PPFIBP1: variants seen among roughly 807,000 people sequenced by gnomAD.
The protein encoded by PPFIBP1 is liprin-beta-1.
PPFIBP1 carries 112 observed loss-of-function variants against 137.8 expected under a neutral mutation model. That is an observed-to-expected ratio of 0.81 (90% CI 0.70 to 0.95). The LOEUF is 0.95. PPFIBP1 is among the 40% of genes least tolerant of loss of function. The pLI is 0.00. For missense variants in PPFIBP1, 1,083 were observed against 1,196.6 expected (o/e 0.91, Z 1.40); for synonymous variants, 378 against 417.3 (o/e 0.91, Z 1.15).
At chr12:27,668,432 C>G (rs1249049780) in intron 13 of PPFIBP1, among the ~76,000 whole-genome samples, 1 of 152,180 alleles carries the variant, frequency 6.6e-6, no homozygotes, top group African/African-American at 2.4e-5. Flanking sequence ...CAGTCCATAG[C>G]AATTCCAAAA....
intron 2 of PPFIBP1, chr12:27,592,829 A>C: frequency 1.6e-6 from 1 of 611,548 alleles, no homozygotes. Flanking sequence ...TATGGAACTC[A>C]CATCCTTTTA....
chr12:27,682,466 A>G lies in PPFIBP1; in HGVS notation c.2126A>G (p.Asn709Ser), dbSNP rs770870921. 4.0e-5 allele frequency: 65 copies of G among 1,614,068 alleles called. No individual in the cohort carries two copies. The highest frequency in any genetic ancestry group is 5.3e-5 in the Non-Finnish European group (62 of 1,179,930). The change falls in exon 23 of 30, where the codon AAT becomes AGT. Residue 709 changes from asparagine to serine, a missense_variant. Physicochemically the swap from Asn to Ser is conservative, Grantham distance 46. Transcript: ENST00000228425. The part of the protein sequence containing the change: ...LQALGSEEET[N>S]HGKLDFNWVT... ...GCCCTGGGATCTGAAGAAGAAACCA[A>G]TCATGGGAAGCTGGATTTCAACTGG...
At chr12:27,611,260 C>T (rs1031015856) in intron 2 of PPFIBP1, among the ~76,000 whole-genome samples, 7 of 152,126 alleles carry the variant, frequency 4.6e-5, no homozygotes. Context: ...TTGAAAAGTT[C>T]TGGATGCTGA....
intron 28 of PPFIBP1, 38 bp downstream of exon 28, chr12:27,691,966 C>A (rs776190180): frequency 1.6e-5 from 24 of 1,528,128 alleles, no homozygotes; most frequent in South Asian, 3.8e-5. Flanking sequence ...CGAGTTCTTC[C>A]ATCATTCAGA....
intron 2 of PPFIBP1, among the ~76,000 whole-genome samples, chr12:27,611,521 C>G (rs1349820654): frequency 1.3e-5 from 2 of 152,090 alleles, no homozygotes; most frequent in African/African-American, 4.8e-5. Flanking sequence ...TGCTGAGGTC[C>G]TGGGGCTTAG....
intron 13 of PPFIBP1, 113 bp downstream of exon 13, chr12:27,667,433 A>G: frequency 2.1e-6 from 2 of 935,500 alleles, no homozygotes; most frequent in African/African-American, 1.7e-5. Flanking sequence ...TCCATCACCA[A>G]CTCAAGTGAG....
At chr12:27,688,506 A>C in intron 26 of PPFIBP1, 83 bp downstream of exon 26, 1 of 1,527,660 alleles carries the variant, frequency 6.5e-7, no homozygotes, top group East Asian at 2.3e-5. Context: ...TTTGCTTATC[A>C]TAATCCTAAA....
intron 1 of PPFIBP1, among the ~76,000 whole-genome samples, chr12:27,577,819 A>G (rs1236531971): frequency 6.6e-6 from 1 of 152,166 alleles, no homozygotes; most frequent in African/African-American, 2.4e-5. Flanking sequence ...ACAAACATTC[A>G]TAGAGTACCT....
At chr12:27,539,867 A>G (rs1486052882) in intron 1 of PPFIBP1, among the ~76,000 whole-genome samples, 1 of 152,036 alleles carries the variant, frequency 6.6e-6, no homozygotes, top group Non-Finnish European at 1.5e-5. Context: ...TTCTATTCCT[A>G]TATTTTTTCC....
At chr12:27,631,118 T>C (rs2057235444) in intron 2 of PPFIBP1, among the ~76,000 whole-genome samples, 1 of 152,204 alleles carries the variant, frequency 6.6e-6, no homozygotes, top group South Asian at 2.1e-4. Flanking sequence ...TTTTCACTAA[T>C]TGGTTATAAA....
intron 24 of PPFIBP1, among the ~76,000 whole-genome samples, chr12:27,686,935 C>T (rs757325944): frequency 6.6e-6 from 1 of 152,020 alleles, no homozygotes; most frequent in Non-Finnish European, 1.5e-5. Context: ...GAGCATCATT[C>T]GCTCTTCACT....
chr12:27,585,880 A>C (rs1356969535), intron 2 of PPFIBP1, among the ~76,000 whole-genome samples: 1 of 152,198 alleles, frequency 6.6e-6, no homozygotes, highest in Admixed American at 6.5e-5. Context: ...AGGAACAAGT[A>C]ACATAAAGGT....
At chr12:27,576,355 G>A (rs977503076) in intron 1 of PPFIBP1, among the ~76,000 whole-genome samples, 12 of 152,152 alleles carry the variant, frequency 7.9e-5, no homozygotes, top group African/African-American at 2.9e-4. Context: ...ACAGGGCCTG[G>A]GAAGTGACTG....
intron 6 of PPFIBP1, among the ~76,000 whole-genome samples, chr12:27,649,413 A>G (rs1593129005): frequency 6.6e-6 from 1 of 152,352 alleles, no homozygotes. Context: ...TATCACCATC[A>G]TCAATGTTAT....
At chr12:27,598,600 C>T (rs2053598092) in intron 2 of PPFIBP1, among the ~76,000 whole-genome samples, 1 of 151,816 alleles carries the variant, frequency 6.6e-6, no homozygotes, top group Non-Finnish European at 1.5e-5. Context: ...AAATATACAA[C>T]TCAGGTAGTG....
intron 2 of PPFIBP1, among the ~76,000 whole-genome samples, chr12:27,625,480 TA>T (rs1478522989): frequency 2.5e-4 from 38 of 152,062 alleles, no homozygotes; most frequent in Admixed American, 7.9e-4. Flanking sequence ...ATAGCATTAT[TA>T]ATAACCTTAG....
chr12:27,594,932 G>C (rs2053017035), intron 2 of PPFIBP1, among the ~76,000 whole-genome samples: 1 of 152,144 alleles, frequency 6.6e-6, no homozygotes, highest in Non-Finnish European at 1.5e-5. Flanking sequence ...CATATATATG[G>C]TTACTCTGCA....
Position 27,682,412 on chromosome 12 carries a change from A to T in PPFIBP1, c.2072A>T (p.His691Leu). The stretch of plus-strand genomic sequence containing the variant: ...GAACTTGGAATCAAGCATTCACTTC[A>T]TCGAAAGAAACTCCAGCTAGCACTC... ...EKELGIKHSL[H>L]RKKLQLALQA... The change falls in exon 23 of 30, where the codon CAT becomes CTT. Residue 691 changes from histidine (H) to leucine (L), a missense_variant. By Grantham distance (99) the His-to-Leu change is moderately conservative. Transcript: ENST00000228425. The T allele has an allele frequency of 6.2e-7, 1 of 1,613,592 alleles. No individual in the cohort carries two copies. The highest frequency in any genetic ancestry group is 8.5e-7 in the Non-Finnish European group (1 of 1,179,480).
intron 13 of PPFIBP1, among the ~76,000 whole-genome samples, chr12:27,670,788 A>ACAATAATAATAAT (rs57738136): frequency 7.4e-6 from 1 of 134,286 alleles, no homozygotes. Flanking sequence ...CAAAAAAAAA[A>ACAATAATAATAAT]AAAAAAAATA....
Sources: gnomAD v4.1 joint callset for allele counts (sites outside exome capture counted in the v4.1 genomes callset) on GRCh38, gnomAD v4.1.1 for gene constraint, MANE v1.5 for transcripts, NCBI Gene and HGNC (gene_info 2026-07-23, HGNC 2026-07-21) for gene names.